SPHKAP: variants seen among roughly 807,000 people sequenced by gnomAD.
The protein encoded by SPHKAP is SPHK1 interactor, AKAP domain containing, also known as A-kinase anchor protein SPHKAP.
SPHKAP carries 67 observed loss-of-function variants against 137.5 expected under a neutral mutation model. That is an observed-to-expected ratio of 0.49 (90% confidence interval 0.40 to 0.60). SPHKAP has a LOEUF of 0.60. SPHKAP is among the 20% of genes least tolerant of loss of function. SPHKAP has a pLI of 0.00. For missense variants in SPHKAP, 2,097 were observed against 2,069.3 expected, an observed-to-expected ratio of 1.01 and a Z score of -0.26; for synonymous variants, 813 against 785.3, an observed-to-expected ratio of 1.04 and a Z score of -0.59.
chr2:228,069,493 C>G (rs1254737614), intron 3 of SPHKAP, among the ~76,000 whole-genome samples: 2 of 141,684 alleles, frequency 1.4e-5, no homozygotes, highest in Non-Finnish European at 3.0e-5. Flanking sequence ...CTCTGTTGCT[C>G]AGGCTGGTCT....
intron 2 of SPHKAP, among the ~76,000 whole-genome samples, chr2:228,118,829 C>T (rs1471129276): frequency 2.0e-5 from 3 of 152,162 alleles, no homozygotes; most frequent in Non-Finnish European, 2.9e-5. Flanking sequence ...CTGTACTAGG[C>T]ACTGTTTATT....
At chr2:228,128,512 T>C (rs1236041295) in intron 2 of SPHKAP, among the ~76,000 whole-genome samples, 1 of 152,208 alleles carries the variant, frequency 6.6e-6, no homozygotes, top group Non-Finnish European at 1.5e-5. Context: ...TTTATGTTAA[T>C]ATTTTGACCT....
chr2:228,122,387 A>G (rs1164177612), intron 2 of SPHKAP, among the ~76,000 whole-genome samples: 1 of 152,236 alleles, frequency 6.6e-6, no homozygotes, highest in Non-Finnish European at 1.5e-5. Flanking sequence ...GCTATAGAGA[A>G]CAGAACAAGG....
At chr2:228,096,798 C>G (rs564954165) in intron 3 of SPHKAP, among the ~76,000 whole-genome samples, 1 of 152,120 alleles carries the variant, frequency 6.6e-6, no homozygotes, top group Non-Finnish European at 1.5e-5. Context: ...AATTTCCCTT[C>G]TGCTTTTAGC....
chr2:228,133,753 C>A (rs1274730068), intron 1 of SPHKAP, among the ~76,000 whole-genome samples: 2 of 152,172 alleles, frequency 1.3e-5, no homozygotes, highest in Non-Finnish European at 2.9e-5. Flanking sequence ...CTAAATTCAT[C>A]AATTTTCAAT....
chr2:228,007,803 A>G (rs1694198333), intron 7 of SPHKAP, among the ~76,000 whole-genome samples: 1 of 152,180 alleles, frequency 6.6e-6, no homozygotes, highest in East Asian at 1.9e-4. Flanking sequence ...AAAAACACAT[A>G]ATGAAGAAAG....
intron 3 of SPHKAP, among the ~76,000 whole-genome samples, chr2:228,059,609 A>G (rs73096653): frequency 0.019 from 2,819 of 152,298 alleles, 87 homozygotes; most frequent in African/African-American, 0.062. Flanking sequence ...AGTGGGTTTC[A>G]TTGCCACTTT....
At position 228,033,792 on chromosome 2, in the gene SPHKAP, C is replaced by T. The variant is rs570305218; in HGVS notation, c.247-6249G>A. On this transcript the variant is annotated intron_variant, in intron 3 of 11. Coordinates refer to ENST00000392056, the MANE Select transcript of SPHKAP (RefSeq NM_001142644.2). ...TCCTGAATGACTACTGGATACATAA[C>T]GAAATGAAGGCAGAAATAAAGATGT... 1.4e-4 allele frequency among the ~76,000 whole-genome samples: 22 copies of T among 152,160 alleles called. No homozygotes were observed. The East Asian group carries it at 2.3e-3, about 16-fold the overall frequency.
chr2:228,159,855 T>G (rs1054479097), intron 1 of SPHKAP, among the ~76,000 whole-genome samples: 2 of 152,212 alleles, frequency 1.3e-5, no homozygotes, highest in Non-Finnish European at 2.9e-5. Context: ...TCTGTGGAAC[T>G]AATTTTTATG....
Position 227,981,092 on chromosome 2 carries a change from A to G in SPHKAP, c.*625T>C, listed in dbSNP as rs2106144775. 6.6e-6 allele frequency: 1 copy of G among 152,256 alleles called. No individual in the cohort carries two copies. The highest frequency in any genetic ancestry group is 1.9e-4 in the East Asian group (1 of 5,172). 9.4% of individuals were successfully genotyped at this position (152,256 alleles called of 1,614,324 possible). A position where few individuals can be genotyped will look rare whatever the true frequency, so the allele number is the denominator to read the frequency against. On this transcript the variant is annotated 3_prime_UTR_variant, in exon 12 of 12. Transcript: ENST00000392056. ...CTGCTTAGCTGGGAGTCCACATACT[A>G]TTTGGGAGAAGTGAGATATTTATCA...
At chr2:228,091,331 A>G (rs1697722709) in intron 3 of SPHKAP, among the ~76,000 whole-genome samples, 2 of 152,222 alleles carry the variant, frequency 1.3e-5, no homozygotes, top group African/African-American at 4.8e-5. Context: ...ATAACATTGG[A>G]AAACCCGTTC....
Position 228,132,005 on chromosome 2 carries a change from C to A in SPHKAP, c.113G>T (p.Gly38Val). ...CTTCTTACAGGCTGTGATGGAGTTCCCCGGGCCGCTTCCTGAGCTGCCACA... is the reference window on the plus strand; with the variant it reads ...CTTCTTACAGGCTGTGATGGAGTTCACCGGGCCGCTTCCTGAGCTGCCACA... ...RGCGSSGSGP[G>V]NSITACKKVL... The change falls in exon 2 of 12, where the codon GGG becomes GTG. Residue 38 changes from glycine to valine, a missense_variant. Coordinates refer to ENST00000392056, the MANE Select transcript of SPHKAP (RefSeq NM_001142644.2). 1 of 1,614,024 alleles carries A rather than the reference C, an allele frequency of 6.2e-7. No homozygotes were observed. Among genetic ancestry groups the A allele is most frequent in the Non-Finnish European group, 8.5e-7 (1 of 1,179,956 alleles).
At chr2:228,151,901 ATCTTCAT>A (rs1699945775) in intron 1 of SPHKAP, among the ~76,000 whole-genome samples, 1 of 152,142 alleles carries the variant, frequency 6.6e-6, no homozygotes, top group African/African-American at 2.4e-5. Flanking sequence ...AAATGGCTTT[ATCTTCAT>A]TCTACAGGTT....
At chr2:228,164,342 G>A (rs1272453696) in intron 1 of SPHKAP, among the ~76,000 whole-genome samples, 3 of 152,106 alleles carry the variant, frequency 2.0e-5, no homozygotes, top group Non-Finnish European at 4.4e-5. Flanking sequence ...GCTTGCAGAT[G>A]TCCTATTGTG....
chr2:228,100,492 C>T (rs1698154291), intron 3 of SPHKAP, among the ~76,000 whole-genome samples: 1 of 151,998 alleles, frequency 6.6e-6, no homozygotes, highest in African/African-American at 2.4e-5. Context: ...TCAGAGATGG[C>T]TCTTATTATT....
At chr2:228,134,267 A>C (rs1699366863) in intron 1 of SPHKAP, among the ~76,000 whole-genome samples, 3 of 151,704 alleles carry the variant, frequency 2.0e-5, no homozygotes, top group Admixed American at 2.0e-4. Flanking sequence ...GAAAGAAATA[A>C]AGAAGGAAGG....
chr2:228,153,571 A>G (rs934593378), intron 1 of SPHKAP, among the ~76,000 whole-genome samples: 6 of 152,156 alleles, frequency 3.9e-5, no homozygotes, highest in African/African-American at 1.4e-4. Flanking sequence ...GCTTTTGTGA[A>G]GTCAAGTATC....
rs534052543 is a variant in SPHKAP, at chr2:228,103,921, C to G, written c.246+4911G>C. On this transcript the variant is annotated intron_variant, in intron 3 of 11. Transcript: ENST00000392056. ...GAGAATCATGTCTGCAATCCATTCT[C>G]TGGTGTTTCCATTTAACAAAATTAT... 2.2e-3 allele frequency among the ~76,000 whole-genome samples: 332 copies of G among 152,106 alleles called. 2 individuals are homozygous for G. Among genetic ancestry groups the G allele is most frequent in the African/African-American group, 7.6e-3 (315 of 41,486 alleles).
intron 3 of SPHKAP, among the ~76,000 whole-genome samples, chr2:228,045,347 A>C (rs77638755): frequency 0.21 from 21,766 of 103,386 alleles, 3,246 homozygotes; most frequent in Middle Eastern, 0.39. Flanking sequence ...TGGAACCAAC[A>C]CAAATGTCCA....
Sources: gnomAD v4.1 joint callset for allele counts (sites outside exome capture counted in the v4.1 genomes callset) on GRCh38, gnomAD v4.1.1 for gene constraint, MANE v1.5 for transcripts, NCBI Gene and HGNC (gene_info 2026-07-23, HGNC 2026-07-21) for gene names.